Variants in QTRT2 observed in about 807,000 individuals in gnomAD.
QTRT2 encodes the protein queuine tRNA-ribosyltransferase accessory subunit 2.
In QTRT2, 32 loss-of-function variants were observed where a neutral mutation model predicts 44.8. The observed-to-expected ratio is 0.71, with a 90% CI of 0.54 to 0.96. The LOEUF (loss-of-function observed/expected upper bound fraction) is 0.96, where lower values mean the gene tolerates loss of function less well. Ranked by LOEUF, QTRT2 falls within the 40% of genes least tolerant of loss-of-function variation. The pLI, the probability that QTRT2 is intolerant of heterozygous loss-of-function variation, is 0.00. For missense variants in QTRT2, 461 were observed against 503.1 expected (o/e 0.92, Z 0.80); for synonymous variants, 182 against 187.4 (o/e 0.97, Z 0.24).
chr3:114,068,001 C>A lies in QTRT2; in HGVS notation c.271C>A (p.Leu91Ile), dbSNP rs757930067. The change falls in exon 5 of 10, where the codon CTC becomes ATC. Residue 91 changes from leucine (L) to isoleucine (I), a missense_variant. Transcript: ENST00000281273. Reference sequence around the variant, plus strand: ...TGTTTATACAGGCATGCCAGAATCACTCTTGTACTGCTCCCTGCACGATCC... The same window carrying A: ...TGTTTATACAGGCATGCCAGAATCAATCTTGTACTGCTCCCTGCACGATCC... ...VGKFIGMPES[L>I]LYCSLHDPVS... 1 of 1,613,670 alleles carries A rather than the reference C, an allele frequency of 6.2e-7. No homozygotes were observed. Among genetic ancestry groups the A allele is most frequent in the African/African-American group, 1.3e-5 (1 of 74,878 alleles).
chr3:114,071,911 G>T (rs1186534269), intron 6 of QTRT2, among the ~76,000 whole-genome samples: 5 of 152,162 alleles, frequency 3.3e-5, no homozygotes, highest in African/African-American at 9.7e-5. Context: ...TACATGGCAT[G>T]GACAGCCTGC....
chr3:114,066,610 T>C (rs1383461405), intron 4 of QTRT2: 1 of 191,908 alleles, frequency 5.2e-6, no homozygotes, highest in African/African-American at 2.3e-5. Context: ...ATGTGCAAGG[T>C]GGTCAGAATA....
At position 114,070,952 on chromosome 3, in the gene QTRT2, T is replaced by C. The variant is rs895150260; in HGVS notation, c.546+114T>C. 7 of 725,346 alleles carry C rather than the reference T, an allele frequency of 9.7e-6. No individual in the cohort carries two copies. The East Asian group carries it at 1.6e-4, about 17-fold the overall frequency. The allele number at this position is 725,346 out of a possible 1,614,324, so 44.9% of individuals were successfully genotyped here. A position where few individuals can be genotyped will look rare whatever the true frequency, so the allele number is the denominator to read the frequency against. ...CTGCTGTGCTCCTCACTTCTTTGTC[T>C]ATTTTACTCTCTATTTTTATTTTCT... On this transcript the variant is annotated intron_variant, in intron 6 of 9. Coordinates refer to ENST00000281273, the MANE Select transcript of QTRT2 (RefSeq NM_024638.4).
chr3:114,061,497 T>A (rs2076885848), intron 2 of QTRT2, among the ~76,000 whole-genome samples: 1 of 152,226 alleles, frequency 6.6e-6, no homozygotes, highest in African/African-American at 2.4e-5. Context: ...GGCTAATCTT[T>A]GAGCCCCTGT....
At chr3:114,083,881 G>A (rs2077200075) in intron 9 of QTRT2, among the ~76,000 whole-genome samples, 4 of 151,798 alleles carry the variant, frequency 2.6e-5, no homozygotes. Flanking sequence ...ATTTATTTAT[G>A]TTTTTAAAAT....
In QTRT2 at chr3:114,086,906, T is replaced by C. The variant is rs1336727923; in HGVS notation, c.*1002T>C. ...CTAAAATTGGAAGAACAAAAAGTTT[T>C]AGATTAGAGTCATAGCCTTAATAGC... On this transcript the variant is annotated 3_prime_UTR_variant, in exon 10 of 10. Transcript: ENST00000281273. The C allele has an allele frequency of 6.6e-6, 1 of 152,230 alleles. No homozygotes were observed. Among genetic ancestry groups the C allele is most frequent in the Non-Finnish European group, 1.5e-5 (1 of 68,030 alleles). The allele number at this position is 152,230 out of a possible 1,614,324, so 9.4% of individuals were successfully genotyped here.
rs533869887 is a variant in QTRT2, at chr3:114,062,842, G to A, written c.-21-2395G>A. Among the ~76,000 whole-genome samples, 14 of 152,284 alleles carry A rather than the reference G, an allele frequency of 9.2e-5. No homozygotes were observed. In the East Asian group the frequency reaches 2.3e-3, roughly 25 times the overall value. On this transcript the variant is annotated intron_variant, in intron 2 of 9. Coordinates refer to ENST00000281273, the MANE Select transcript of QTRT2 (RefSeq NM_024638.4). ...AACGTATTAGTTTTACCCAATGAAGGTTCTTCGTGCCTTTATATGAATTTA... is the reference window on the plus strand; with the variant it reads ...AACGTATTAGTTTTACCCAATGAAGATTCTTCGTGCCTTTATATGAATTTA...
chr3:114,057,826 A>T (rs2076823348), intron 2 of QTRT2, among the ~76,000 whole-genome samples: 2 of 152,346 alleles, frequency 1.3e-5, no homozygotes, highest in South Asian at 4.1e-4. Context: ...AAATATTTGT[A>T]TGAGAATGGA....
chr3:114,056,759 A>G lies in QTRT2; in HGVS notation c.-235A>G, dbSNP rs1411708631. Reference sequence around the variant, plus strand: ...CGCAGTACTCCCTGATTGGCTCTGCACTGGAGGCAGTGATTTTGGGGCAGA... The same window carrying G: ...CGCAGTACTCCCTGATTGGCTCTGCGCTGGAGGCAGTGATTTTGGGGCAGA... On this transcript the variant is annotated 5_prime_UTR_variant, in exon 1 of 10. Coordinates refer to ENST00000281273, the MANE Select transcript of QTRT2 (RefSeq NM_024638.4). 6.8e-7 allele frequency: 1 copy of G among 1,463,356 alleles called. No individual in the cohort carries two copies. Among genetic ancestry groups the G allele is most frequent in the African/African-American group, 1.4e-5 (1 of 71,606 alleles). 90.6% of individuals were successfully genotyped at this position (1,463,356 alleles called of 1,614,324 possible).
rs2107800616 is a variant in QTRT2, at chr3:114,076,834, C to G, written c.638C>G (p.Pro213Arg). Residue 213 changes from proline (P) to arginine (R), a missense_variant, in exon 7 of 10, where the codon CCT (proline) becomes CGT (arginine). Transcript: ENST00000281273. ...TCAGCACGAGAGACAGCCAAGCGGC[C>G]TGTGGGTGGCTTCCTTCTGGATGGT... Reference protein sequence around the residue: ...LRSARETAKRPVGGFLLDGFQ... With the variant: ...LRSARETAKRRVGGFLLDGFQ... The G allele has an allele frequency of 2.5e-6, 4 of 1,614,168 alleles. No individual in the cohort carries two copies. Among genetic ancestry groups the G allele is most frequent in the Admixed American group, 1.7e-5 (1 of 60,024 alleles).
chr3:114,072,244 T>G (rs1035703603), intron 6 of QTRT2, among the ~76,000 whole-genome samples: 3 of 152,014 alleles, frequency 2.0e-5, no homozygotes, highest in African/African-American at 7.3e-5. Context: ...AACCTCCAAC[T>G]CCAGGTTCAA....
chr3:114,081,384 CTG>C (rs2107805329), intron 8 of QTRT2, among the ~76,000 whole-genome samples: 1 of 152,270 alleles, frequency 6.6e-6, no homozygotes, highest in Non-Finnish European at 1.5e-5. Context: ...GGGTCTCACT[CTG>C]TTGCCCAGGC....
At position 114,086,018 on chromosome 3, in the gene QTRT2, G is replaced by T. The variant is rs1172716431; in HGVS notation, c.*114G>T. ...TTAATTATTTATATTTGGATATAAG[G>T]TCTGCTTAAATAAAGAATCTTTGTA... is the stretch of plus-strand genomic sequence containing the variant. On this transcript the variant is annotated 3_prime_UTR_variant, in exon 10 of 10. Transcript: ENST00000281273. 2.4e-6 allele frequency: 2 copies of T among 850,020 alleles called. No individual in the cohort carries two copies. The highest frequency in any genetic ancestry group is 3.7e-6 in the Non-Finnish European group (2 of 537,532). 52.7% of individuals were successfully genotyped at this position (850,020 alleles called of 1,614,324 possible).
chr3:114,063,468 A>G (rs2076913763), intron 2 of QTRT2, among the ~76,000 whole-genome samples: 3 of 152,166 alleles, frequency 2.0e-5, no homozygotes. Flanking sequence ...ATGTGTAACA[A>G]TAGGGTATGT....
chr3:114,078,992 C>G (rs2077128644), intron 7 of QTRT2: 2 of 151,974 alleles, frequency 1.3e-5, no homozygotes, highest in South Asian at 4.1e-4. Flanking sequence ...TGTAAATTAA[C>G]TTATGAGGGA....
At chr3:114,073,670 C>T (rs549382163) in intron 6 of QTRT2, among the ~76,000 whole-genome samples, 8 of 152,208 alleles carry the variant, frequency 5.3e-5, no homozygotes, top group Admixed American at 2.6e-4. Context: ...TGAGTCACCG[C>T]GCCCGGCCTT....
At chr3:114,072,801 A>C (rs1416385931) in intron 6 of QTRT2, among the ~76,000 whole-genome samples, 4 of 152,160 alleles carry the variant, frequency 2.6e-5, no homozygotes, top group Non-Finnish European at 5.9e-5. Flanking sequence ...GCTGATGGTG[A>C]ATGGTTATGA....
At chr3:114,077,109 T>C (rs1254274243) in intron 7 of QTRT2, 167 bp downstream of exon 7, 1 of 630,300 alleles carries the variant, frequency 1.6e-6, no homozygotes, top group African/African-American at 1.8e-5. Flanking sequence ...AAGGGGAGTT[T>C]CCATCAAGGC....
At chr3:114,077,196 A>G (rs1208857535) in intron 7 of QTRT2, 3 of 477,306 alleles carry the variant, frequency 6.3e-6, no homozygotes, top group Non-Finnish European at 1.1e-5. Context: ...CTCCTAAGTG[A>G]GAGCAAGTAT....
Sources: allele counts gnomAD v4.1 joint callset (sites outside exome capture counted in the v4.1 genomes callset), GRCh38; gene constraint gnomAD v4.1.1; transcripts MANE v1.5; gene names NCBI Gene and HGNC (gene_info 2026-07-23, HGNC 2026-07-21).